ASNS: variants seen among roughly 807,000 people sequenced by gnomAD.
ASNS encodes asparagine synthetase [glutamine-hydrolyzing].
ASNS carries 37 observed loss-of-function variants against 62.6 expected under a neutral mutation model. That is an observed-to-expected ratio of 0.59 (90% CI 0.45 to 0.78). ASNS has a LOEUF of 0.78. Ranked by LOEUF, ASNS falls within the 30% of genes least tolerant of loss-of-function variation. ASNS has a pLI of 0.00. For synonymous variants in ASNS, 207 were observed against 237.9 expected, an observed-to-expected ratio of 0.87 and a Z score of 1.19; for missense variants, 520 against 682.4, an observed-to-expected ratio of 0.76 and a Z score of 2.65.
chr7:97,888,549 T>C, the ASNS span, among the ~76,000 whole-genome samples: 1 of 152,230 alleles, frequency 6.6e-6, no homozygotes, highest in African/African-American at 2.4e-5. Flanking sequence ...AGAGGTTATC[T>C]AGACCAAAAG....
Position 97,868,989 on chromosome 7 carries a change from C to G in ASNS, c.168G>C (p.Leu56=). Residue 56 remains leucine, a synonymous_variant, in exon 3 of 13, where the codon CTG becomes CTC. Coordinates refer to ENST00000394308, the MANE Select transcript of ASNS (RefSeq NM_001673.5). ...TCACTCGAATTGGCTGCATTCCAAA[C>G]AGCGGGTCAACTACCGCCAACCGGT... ...GFHRLAVVDP[L]FGMQPIRVKK... 1 of 1,614,232 alleles carries G rather than the reference C, an allele frequency of 6.2e-7. No individual in the cohort carries two copies. Among genetic ancestry groups the G allele is most frequent in the East Asian group, 2.2e-5 (1 of 44,882 alleles).
At chr7:97,869,479 C>T (rs779250677) in intron 2 of ASNS, among the ~76,000 whole-genome samples, 1 of 152,194 alleles carries the variant, frequency 6.6e-6, no homozygotes, top group Non-Finnish European at 1.5e-5. Context: ...CTGACAGCGT[C>T]CATGCCACAT....
the ASNS span, among the ~76,000 whole-genome samples, chr7:97,887,090 A>T: frequency 2.0e-5 from 3 of 152,240 alleles, no homozygotes; most frequent in African/African-American, 7.2e-5. Context: ...ATTCAAATCT[A>T]CAACTGATTT....
the ASNS span, among the ~76,000 whole-genome samples, chr7:97,906,982 C>T: frequency 2.1e-4 from 32 of 152,292 alleles, no homozygotes; most frequent in African/African-American, 6.5e-4. Flanking sequence ...TTGGGGAGGA[C>T]AATCTGCTTT....
upstream of ASNS, among the ~76,000 whole-genome samples, chr7:97,873,905 A>T (rs561419832): frequency 8.2e-4 from 125 of 152,244 alleles, 1 homozygote; most frequent in South Asian, 0.025. Context: ...GCAAAGGCAG[A>T]CATTTCAAGG....
chr7:97,894,480 C>CAAAAAAAAAAAAAAAAAAAAAAAGAAAAA, the ASNS span, among the ~76,000 whole-genome samples: 1 of 36,540 alleles, frequency 2.7e-5, no homozygotes, highest in African/African-American at 1.2e-4. Flanking sequence ...TGAGGCTAAC[C>CAAAAAAAAAAAAAAAAAAAAAAAGAAAAA]AAAAAAAAAA....
intron 4 of ASNS, chr7:97,863,890 T>G (rs1791838887): frequency 5.5e-6 from 1 of 182,930 alleles, no homozygotes; most frequent in African/African-American, 2.4e-5. Flanking sequence ...AAAGCTGTTT[T>G]AGAAATCCTA....
rs1791209210 is a variant in ASNS, at chr7:97,852,199, C to T, written c.*60G>A. The T allele has an allele frequency of 3.8e-6, 6 of 1,569,904 alleles. No individual in the cohort carries two copies. The highest frequency in any genetic ancestry group is 1.1e-5 in the South Asian group (1 of 87,988). The stretch of plus-strand genomic sequence containing the variant: ...TTGACTCTCATTGTTCCCCTATCTA[C>T]CCACAGTCCCCATCCAACACGAAGA... On this transcript the variant is annotated 3_prime_UTR_variant, in exon 13 of 13. Transcript: ENST00000394308.
chr7:97,907,443 G>C, the ASNS span, among the ~76,000 whole-genome samples: 1 of 152,142 alleles, frequency 6.6e-6, no homozygotes, highest in African/African-American at 2.4e-5. Context: ...AGACAAGCCG[G>C]AAGAGGCCAG....
chr7:97,859,234 T>C lies in ASNS; in HGVS notation c.652A>G (p.Asn218Asp). 6.2e-7 allele frequency: 1 copy of C among 1,608,844 alleles called. No homozygotes were observed. ...RDVPLHALYDNVEKLFPGFEI... is the reference protein window; with the variant it reads ...RDVPLHALYDDVEKLFPGFEI... ...CTACCTGGAAAGAGTTTCTCCACATTGTCATAGAGGGCGTGCAGGGGTACA... is the reference window on the plus strand; with the variant it reads ...CTACCTGGAAAGAGTTTCTCCACATCGTCATAGAGGGCGTGCAGGGGTACA... Residue 218 changes from asparagine to aspartate, a missense_variant, in exon 5 of 13, where the codon AAT (asparagine) becomes GAT (aspartate). Coordinates refer to ENST00000394308, the MANE Select transcript of ASNS (RefSeq NM_001673.5).
At chr7:97,927,706 C>T in the ASNS span, among the ~76,000 whole-genome samples, 4 of 152,278 alleles carry the variant, frequency 2.6e-5, no homozygotes, top group East Asian at 1.9e-4. Flanking sequence ...CCTTCTCATC[C>T]TTTCCGTGAT....
the ASNS span, among the ~76,000 whole-genome samples, chr7:97,897,980 A>T: frequency 6.6e-6 from 1 of 152,254 alleles, no homozygotes; most frequent in Non-Finnish European, 1.5e-5. Context: ...GCTGGAGTGC[A>T]GTGTCACAAT....
intron 6 of ASNS, 47 bp from the exon 7 acceptor site, chr7:97,858,452 A>G (rs776714814): frequency 1.2e-6 from 2 of 1,609,192 alleles, no homozygotes; most frequent in Non-Finnish European, 1.7e-6. Context: ...TGTGCCTTGC[A>G]TAAGACAGGG....
At chr7:97,914,735 T>C in the ASNS span, among the ~76,000 whole-genome samples, 21 of 152,214 alleles carry the variant, frequency 1.4e-4, no homozygotes, top group Non-Finnish European at 2.9e-4. Context: ...GAATTAACCC[T>C]GATGTCTGCC....
At chr7:97,915,166 T>C in the ASNS span, among the ~76,000 whole-genome samples, 3 of 152,206 alleles carry the variant, frequency 2.0e-5, no homozygotes, top group Non-Finnish European at 4.4e-5. Context: ...AGAAGGCCCA[T>C]AGGCAAGCAT....
At chr7:97,867,478 T>C (rs1448891976) in intron 3 of ASNS, among the ~76,000 whole-genome samples, 2 of 152,242 alleles carry the variant, frequency 1.3e-5, no homozygotes, top group Non-Finnish European at 2.9e-5. Flanking sequence ...AGAAATTAAT[T>C]ATTTTCAAAA....
rs760851770 is a variant in ASNS, at chr7:97,859,168, T to C, written c.673+45A>G. On this transcript the variant is annotated intron_variant, in intron 5 of 12. Coordinates refer to ENST00000394308, the MANE Select transcript of ASNS (RefSeq NM_001673.5). The stretch of plus-strand genomic sequence containing the variant: ...TGGGAGAATACAACTTAAAATTTTT[T>C]TCCCTTGGAGAAGGATGGGGAATAG... 6 of 1,552,970 alleles carry C rather than the reference T, an allele frequency of 3.9e-6. No homozygotes were observed. In the African/African-American group the frequency reaches 8.3e-5, roughly 21 times the overall value.
chr7:97,904,482 C>G, the ASNS span, among the ~76,000 whole-genome samples: 20 of 152,054 alleles, frequency 1.3e-4, no homozygotes, highest in Non-Finnish European at 2.5e-4. Context: ...CAAACTTGCC[C>G]TAAGACTAAG....
chr7:97,851,926 C>A lies in ASNS; in HGVS notation c.*333G>T. ...CTTTGATGACGTCCCTAAGATGAGG[C>A]AAGGACTGGAAGGAAGCCACACGGG... On this transcript the variant is annotated 3_prime_UTR_variant, in exon 13 of 13. Transcript: ENST00000394308. 6.5e-6 allele frequency: 2 copies of A among 306,946 alleles called. No homozygotes were observed. The highest frequency in any genetic ancestry group is 6.2e-6 in the Non-Finnish European group (1 of 161,420). The allele number at this position is 306,946 out of a possible 1,614,324, so 19.0% of individuals were successfully genotyped here.
Sources: gnomAD v4.1 joint callset for allele counts (sites outside exome capture counted in the v4.1 genomes callset) on GRCh38, gnomAD v4.1.1 for gene constraint, MANE v1.5 for transcripts, NCBI Gene and HGNC (gene_info 2026-07-23, HGNC 2026-07-21) for gene names.